Variants in CAMK2G observed in about 807,000 individuals in gnomAD.
CAMK2G encodes calcium/calmodulin dependent protein kinase II gamma.
CAMK2G carries 23 observed loss-of-function variants against 88.7 expected under a neutral mutation model. That is an observed-to-expected ratio of 0.26 (90% CI 0.19 to 0.37). The LOEUF (loss-of-function observed/expected upper bound fraction) is 0.37, where lower values mean the gene tolerates loss of function less well. Ranked by LOEUF, CAMK2G falls within the 10% of genes least tolerant of loss-of-function variation. The pLI, the probability that CAMK2G is intolerant of heterozygous loss-of-function variation, is 1.00. For synonymous variants in CAMK2G, 263 were observed against 294.8 expected (o/e 0.89, Z 1.11); for missense variants, 476 against 780.8 (o/e 0.61, Z 4.65).
At position 73,820,462 on chromosome 10, in the gene CAMK2G, A is replaced by ATT. The variant is rs1491477595; in HGVS notation, c.1250-819_1250-818dup. Among the ~76,000 whole-genome samples the ATT allele has an allele frequency of 5.2e-4, 35 of 67,934 alleles. 1 individual carries two copies. The South Asian group carries it at 8.3e-3, about 16-fold the overall frequency. 44.6% of individuals were successfully genotyped at this position (67,934 alleles called of 152,430 possible). ...GTTCCCAGGACTATCTGGGTTTTAT[A>ATT]TTTATATATATATATATATATATAT... is the stretch of plus-strand genomic sequence containing the variant. On this transcript the variant is annotated intron_variant, in intron 18 of 22. Coordinates refer to ENST00000423381, the MANE Select transcript of CAMK2G (RefSeq NM_001367534.1).
At position 73,818,377 on chromosome 10, in the gene CAMK2G, C is replaced by T. The variant is rs1282679541; in HGVS notation, c.1364-823G>A. 1.2e-5 allele frequency: 3 copies of T among 258,404 alleles called. No individual in the cohort carries two copies. The East Asian group carries it at 2.6e-4, about 22-fold the overall frequency. 16.0% of individuals were successfully genotyped at this position (258,404 alleles called of 1,614,324 possible). A position where few individuals can be genotyped will look rare whatever the true frequency, so the allele number is the denominator to read the frequency against. ...CAAGGGACAGCTGGTGATGTCCTGC[C>T]GGCATGGGCTTCTCTTATAGGGAAT... On this transcript the variant is annotated intron_variant, in intron 19 of 22. Transcript: ENST00000423381.
chr10:73,845,988 T>C (rs1399931377), intron 10 of CAMK2G, among the ~76,000 whole-genome samples: 2 of 150,880 alleles, frequency 1.3e-5, no homozygotes, highest in East Asian at 3.9e-4. Flanking sequence ...GGTGCAATCA[T>C]AGCTCGCTGC....
chr10:73,837,994 CACAGAA>C (rs2093417201), intron 13 of CAMK2G, among the ~76,000 whole-genome samples: 9 of 152,238 alleles, frequency 5.9e-5, no homozygotes, highest in Admixed American at 5.9e-4. Context: ...CAGACACAGA[CACAGAA>C]ACCAGGACCA....
intron 2 of CAMK2G, among the ~76,000 whole-genome samples, chr10:73,867,052 T>C (rs1357033460): frequency 6.6e-6 from 1 of 152,182 alleles, no homozygotes; most frequent in Non-Finnish European, 1.5e-5. Context: ...CATGTACACC[T>C]GGTGACTAGC....
chr10:73,829,700 GGTGTGTGTGTGT>G (rs60725888), intron 14 of CAMK2G, among the ~76,000 whole-genome samples: 4 of 138,440 alleles, frequency 2.9e-5, no homozygotes, highest in Admixed American at 7.4e-5. Flanking sequence ...TAAGTAGTGG[GGTGTGTGTGTGT>G]GTGTGTGTGT....
chr10:73,834,063 C>G (rs957689946), intron 14 of CAMK2G, among the ~76,000 whole-genome samples: 2 of 151,802 alleles, frequency 1.3e-5, no homozygotes, highest in Admixed American at 6.6e-5. Flanking sequence ...GGACTACAGG[C>G]GCCTGCCACC....
At position 73,836,727 on chromosome 10, in the gene CAMK2G, A is replaced by G. The variant is rs563892144; in HGVS notation, c.1053+741T>C. Among the ~76,000 whole-genome samples the G allele has an allele frequency of 1.6e-4, 25 of 152,302 alleles. No individual in the cohort carries two copies. The East Asian group carries it at 3.5e-3, about 21-fold the overall frequency. On this transcript the variant is annotated intron_variant, in intron 14 of 22. Transcript: ENST00000423381. ...TCAAGATAGCATGAGCTCCTACCCAATGCCCTAGCCCCAGGATCCTTTCTG... is the reference window on the plus strand; with the variant it reads ...TCAAGATAGCATGAGCTCCTACCCAGTGCCCTAGCCCCAGGATCCTTTCTG...
intron 14 of CAMK2G, among the ~76,000 whole-genome samples, chr10:73,830,353 C>T (rs571333859): frequency 1.7e-4 from 26 of 152,220 alleles, no homozygotes; most frequent in Admixed American, 1.7e-3. Context: ...CTCACTGCAG[C>T]CTCAACCTCC....
In CAMK2G at chr10:73,814,321, G is replaced by A. The variant is rs1057410; in HGVS notation, c.*197C>T. The A allele has an allele frequency of 0.13, 18,851 of 141,074 alleles. 1,340 individuals are homozygous for A. Among genetic ancestry groups the A allele is most frequent in the South Asian group, 0.2 (808 of 4,104 alleles). The allele number at this position is 141,074 out of a possible 1,614,324, so 8.7% of individuals were successfully genotyped here. ...TTTTCTTAAATGTAAAAAACACCTC[G>A]GTACAGCAGAGACAGACACGAAGGG... On this transcript the variant is annotated 3_prime_UTR_variant, in exon 23 of 23. Transcript: ENST00000423381.
At chr10:73,814,952 C>T (rs1481892957) in intron 22 of CAMK2G, 51 bp downstream of exon 22, 1 of 1,290,070 alleles carries the variant, frequency 7.8e-7, no homozygotes, top group East Asian at 2.4e-5. Flanking sequence ...TTCCTCTGAC[C>T]CCACCTATCC....
chr10:73,822,669 C>T (rs1199927331), intron 17 of CAMK2G, among the ~76,000 whole-genome samples: 1 of 152,054 alleles, frequency 6.6e-6, no homozygotes, highest in African/African-American at 2.4e-5. Context: ...CTTTGCTCTT[C>T]CCTCTGCTTG....
chr10:73,864,681 T>C (rs1316377058), intron 2 of CAMK2G, among the ~76,000 whole-genome samples: 1 of 152,102 alleles, frequency 6.6e-6, no homozygotes. Context: ...CTTACTCTGT[T>C]GCCCAGGCTG....
intron 10 of CAMK2G, among the ~76,000 whole-genome samples, chr10:73,844,256 T>C (rs1005577663): frequency 1.3e-5 from 2 of 151,516 alleles, no homozygotes; most frequent in African/African-American, 4.9e-5. Context: ...AGCTAATTTT[T>C]AAAGTTTTTT....
intron 21 of CAMK2G, chr10:73,816,784 G>A (rs1473259360): frequency 6.7e-7 from 1 of 1,488,358 alleles, no homozygotes; most frequent in Non-Finnish European, 9.0e-7. Context: ...TGATTGTGGT[G>A]ACTGGCACTG....
In CAMK2G at chr10:73,852,468, C is replaced by T. The variant is rs140518692; in HGVS notation, c.276-149G>A. 2.7e-3 allele frequency: 1,755 copies of T among 655,826 alleles called. 26 individuals carry two copies. The African/African-American group carries it at 0.029, about 11-fold the overall frequency. The allele number at this position is 655,826 out of a possible 1,614,324, so 40.6% of individuals were successfully genotyped here. A position where few individuals can be genotyped will look rare whatever the true frequency, so the allele number is the denominator to read the frequency against. On this transcript the variant is annotated intron_variant, in intron 4 of 22. Coordinates refer to ENST00000423381, the MANE Select transcript of CAMK2G (RefSeq NM_001367534.1). ...TTCATCTGAGAGCTCAGAACACACT[C>T]GATCCTTCAGTGACACCCGGATTCT...
intron 10 of CAMK2G, chr10:73,846,502 G>C (rs1466457504): frequency 6.6e-6 from 1 of 152,270 alleles, no homozygotes; most frequent in African/African-American, 2.4e-5. Flanking sequence ...GCCTGTTTGA[G>C]TGCCTGTCTC....
intron 3 of CAMK2G, among the ~76,000 whole-genome samples, chr10:73,859,278 G>C (rs111477637): frequency 6.6e-6 from 1 of 152,260 alleles, no homozygotes; most frequent in Non-Finnish European, 1.5e-5. Context: ...GCGGGCTGCA[G>C]GGGCAGCCAC....
chr10:73,825,219 A>C, intron 16 of CAMK2G, 60 bp downstream of exon 16: 1 of 1,176,254 alleles, frequency 8.5e-7, no homozygotes, highest in Non-Finnish European at 1.3e-6. Context: ...AAGAGGAGGA[A>C]GAGGGAAGGG....
At chr10:73,870,983 C>T (rs1183293517) in intron 2 of CAMK2G, among the ~76,000 whole-genome samples, 1 of 152,170 alleles carries the variant, frequency 6.6e-6, no homozygotes, top group East Asian at 1.9e-4. Context: ...ACAGTACTGG[C>T]TGGCACTTAC....
Sources: allele counts gnomAD v4.1 joint callset (sites outside exome capture counted in the v4.1 genomes callset), GRCh38; gene constraint gnomAD v4.1.1; transcripts MANE v1.5; gene names NCBI Gene and HGNC (gene_info 2026-07-23, HGNC 2026-07-21).